Variants in PTPRF observed in about 807,000 individuals in gnomAD.
PTPRF encodes the protein protein tyrosine phosphatase receptor type F, also known as receptor-type tyrosine-protein phosphatase F.
PTPRF carries 59 observed loss-of-function variants against 201.8 expected under a neutral mutation model. That is an observed-to-expected ratio of 0.29 (90% CI 0.24 to 0.36). The LOEUF is 0.36. PTPRF is among the 10% of genes least tolerant of loss of function. PTPRF has a pLI of 1.00. For missense variants in PTPRF, 2,132 were observed against 2,690.5 expected (o/e 0.79, Z 4.59); for synonymous variants, 1,088 against 1,089.7 (o/e 1.00, Z 0.03).
chr1:43,600,342 G>A (rs902037479), intron 13 of PTPRF, among the ~76,000 whole-genome samples: 4 of 152,110 alleles, frequency 2.6e-5, no homozygotes, highest in African/African-American at 9.7e-5. Flanking sequence ...CAAGAGGTTC[G>A]GAAGGGAGCT....
chr1:43,596,205 C>T (rs542453080), intron 11 of PTPRF, among the ~76,000 whole-genome samples: 3 of 152,064 alleles, frequency 2.0e-5, no homozygotes, highest in South Asian at 2.1e-4. Context: ...GCTCAGTGCC[C>T]GGGGCCTGGA....
At chr1:43,536,981 G>T (rs1644060352) in intron 1 of PTPRF, among the ~76,000 whole-genome samples, 1 of 152,212 alleles carries the variant, frequency 6.6e-6, no homozygotes, top group Non-Finnish European at 1.5e-5. Context: ...TCTTGGGCCG[G>T]TGAGGACATT....
intron 1 of PTPRF, among the ~76,000 whole-genome samples, chr1:43,536,302 G>C (rs1267362546): frequency 6.6e-6 from 1 of 152,228 alleles, no homozygotes; most frequent in East Asian, 1.9e-4. Context: ...TTTGATCCCA[G>C]ACTGACGTGG....
upstream of PTPRF, among the ~76,000 whole-genome samples, chr1:43,523,091 G>A (rs577991612): frequency 6.6e-6 from 1 of 152,176 alleles, no homozygotes; most frequent in Non-Finnish European, 1.5e-5. Context: ...TGCTCTGGAG[G>A]TAAAATGAAC....
intron 5 of PTPRF, among the ~76,000 whole-genome samples, chr1:43,557,644 A>G (rs1645477859): frequency 1.3e-5 from 2 of 151,782 alleles, no homozygotes; most frequent in Non-Finnish European, 2.9e-5. Context: ...AAAAAAAAAA[A>G]AAAAGAGGAC....
chr1:43,522,308 T>C (rs1642977940), upstream of PTPRF, among the ~76,000 whole-genome samples: 1 of 152,214 alleles, frequency 6.6e-6, no homozygotes, highest in Non-Finnish European at 1.5e-5. Flanking sequence ...AGGGTGAGCC[T>C]AATAGAGGAA....
intron 7 of PTPRF, among the ~76,000 whole-genome samples, chr1:43,587,221 A>G (rs1649387004): frequency 6.6e-6 from 1 of 152,182 alleles, no homozygotes; most frequent in South Asian, 2.1e-4. Context: ...AGGGAGTGGC[A>G]TCAGATTTGT....
At chr1:43,573,799 G>C (rs1031701062) in intron 6 of PTPRF, among the ~76,000 whole-genome samples, 4 of 152,070 alleles carry the variant, frequency 2.6e-5, no homozygotes, top group African/African-American at 7.2e-5. Flanking sequence ...GAATAGGTTA[G>C]GTTCTGGAAG....
intron 5 of PTPRF, among the ~76,000 whole-genome samples, chr1:43,568,908 T>A (rs1646372707): frequency 1.3e-5 from 2 of 152,292 alleles, no homozygotes; most frequent in South Asian, 2.1e-4. Flanking sequence ...CTCCACACAC[T>A]CAGGCATGGT....
intron 1 of PTPRF, among the ~76,000 whole-genome samples, chr1:43,535,076 G>A (rs879526675): frequency 1.3e-5 from 2 of 152,088 alleles, no homozygotes; most frequent in Non-Finnish European, 2.9e-5. Flanking sequence ...CCCATCAGGG[G>A]TCACATGAGG....
chr1:43,612,673 T>C, intron 22 of PTPRF: 1 of 1,127,636 alleles, frequency 8.9e-7, no homozygotes, highest in South Asian at 1.3e-5. Context: ...GCACCTCCAC[T>C]GTGTGTGATG....
Position 43,597,746 on chromosome 1 carries a change from A to ACCCC in PTPRF, c.1814-2_1814-1insCCCC. The stretch of plus-strand genomic sequence containing the variant: ...TGCTTCCCCCCCATTTGTCTTCCCC[A>ACCCC]GCCCCCTCCGCCCCTCCCCAGAAGG... On this transcript the variant is annotated splice_acceptor_variant, in intron 11 of 33. Coordinates refer to ENST00000359947, the MANE Select transcript of PTPRF (RefSeq NM_002840.5). LOFTEE classifies it high-confidence loss of function. The ACCCC allele has an allele frequency of 1.3e-6, 1 of 744,554 alleles. No homozygotes were observed. The highest frequency in any genetic ancestry group is 1.8e-6 in the Non-Finnish European group (1 of 548,228). The allele number at this position is 744,554 out of a possible 1,614,324, so 46.1% of individuals were successfully genotyped here. A position where few individuals can be genotyped will look rare whatever the true frequency, so the allele number is the denominator to read the frequency against.
In PTPRF at chr1:43,617,743, C is replaced by T. The variant is rs201595617; in HGVS notation, c.4203C>T (p.Pro1401=). 17 of 1,613,152 alleles carry T rather than the reference C, an allele frequency of 1.1e-5. No homozygotes were observed. The East Asian group carries it at 2.5e-4, about 23-fold the overall frequency. The part of the protein sequence containing the change: ...RVILTSIDGV[P]GSDYINANYI... ...CTCCTTTCTTATCCATAGGCGTCCCCGGGAGTGACTACATCAATGCCAACT... is the reference window on the plus strand; with the variant it reads ...CTCCTTTCTTATCCATAGGCGTCCCTGGGAGTGACTACATCAATGCCAACT... The change falls in exon 25 of 34, where the codon CCC becomes CCT. Residue 1401 remains proline, a synonymous_variant. Transcript: ENST00000359947.
intron 6 of PTPRF, among the ~76,000 whole-genome samples, chr1:43,571,880 A>G (rs2153989280): frequency 6.6e-6 from 1 of 152,240 alleles, no homozygotes; most frequent in East Asian, 1.9e-4. Flanking sequence ...GCATTGGTTA[A>G]CTTTTTCGTG....
chr1:43,603,682 A>G lies in PTPRF; in HGVS notation c.2530A>G (p.Lys844Glu). Residue 844 changes from lysine (K) to glutamate (E), a missense_variant, in exon 16 of 34, where the codon AAG becomes GAG. Lys to Glu is a moderately conservative substitution (Grantham distance 56, BLOSUM62 1). Coordinates refer to ENST00000359947, the MANE Select transcript of PTPRF (RefSeq NM_002840.5). This position sits in a 1 kb window ranked among gnomAD's most constrained non-coding sequence, Gnocchi z 5.8. Reference protein sequence around the residue: ...NTALLQWHPPKELPGELLGYR... With the variant: ...NTALLQWHPPEELPGELLGYR... ...TGCGCTGCTCCAGTGGCACCCACCC[A>G]AGGAACTGCCTGGCGAGCTGCTGGG... 1 of 1,613,728 alleles carries G rather than the reference A, an allele frequency of 6.2e-7. No individual in the cohort carries two copies. The highest frequency in any genetic ancestry group is 8.5e-7 in the Non-Finnish European group (1 of 1,180,016).
intron 10 of PTPRF, 103 bp from the exon 11 acceptor site, chr1:43,592,354 C>A: frequency 7.2e-7 from 1 of 1,394,942 alleles, no homozygotes; most frequent in Non-Finnish European, 9.7e-7. Flanking sequence ...AGTCCTGGAG[C>A]CGTGGTGGGT....
intron 7 of PTPRF, among the ~76,000 whole-genome samples, chr1:43,581,834 T>C (rs567990482): frequency 6.6e-6 from 1 of 152,344 alleles, no homozygotes; most frequent in East Asian, 1.9e-4. Flanking sequence ...TGATGTGGGC[T>C]CTAGCCCTGA....
rs536099288 is a variant in PTPRF, at chr1:43,622,120, C to A, written c.*117C>A. On this transcript the variant is annotated 3_prime_UTR_variant, in exon 34 of 34. Coordinates refer to ENST00000359947, the MANE Select transcript of PTPRF (RefSeq NM_002840.5). Reference sequence around the variant, plus strand: ...TACGCAGATGCTGTCACTGGCAGAGCACAGCCCACGGGGATCACAGCGTTT... The same window carrying A: ...TACGCAGATGCTGTCACTGGCAGAGAACAGCCCACGGGGATCACAGCGTTT... 2.7e-6 allele frequency: 3 copies of A among 1,105,064 alleles called. No homozygotes were observed. Among genetic ancestry groups the A allele is most frequent in the South Asian group, 1.3e-5 (1 of 76,004 alleles). 68.5% of individuals were successfully genotyped at this position (1,105,064 alleles called of 1,614,324 possible). A position where few individuals can be genotyped will look rare whatever the true frequency, so the allele number is the denominator to read the frequency against.
chr1:43,560,842 C>G (rs1200650286), intron 5 of PTPRF, among the ~76,000 whole-genome samples: 1 of 152,202 alleles, frequency 6.6e-6, no homozygotes, highest in African/African-American at 2.4e-5. Flanking sequence ...CCCTCCCCTA[C>G]CCCACCAAGC....
Sources: allele counts gnomAD v4.1 joint callset (sites outside exome capture counted in the v4.1 genomes callset), GRCh38; gene constraint gnomAD v4.1.1; non-coding constraint Gnocchi (gnomAD v3.1); transcripts MANE v1.5; gene names NCBI Gene and HGNC (gene_info 2026-07-23, HGNC 2026-07-21).